Variants in ZNF578 observed in about 807,000 individuals in gnomAD.
ZNF578 encodes the protein Putative chemokine-related protein B42.
Under a neutral mutation model 8.3 loss-of-function variants are expected in ZNF578, and 8 were observed. That is an observed-to-expected ratio of 0.96 (90% CI 0.56 to 1.74). ZNF578 has a LOEUF of 1.74. ZNF578 is among the 40% of genes most tolerant of loss of function. ZNF578 has a pLI of 0.00. For synonymous variants in ZNF578, 206 were observed against 232.2 expected, an observed-to-expected ratio of 0.89 and a Z score of 1.03; for missense variants, 726 against 707.5, an observed-to-expected ratio of 1.03 and a Z score of -0.30.
intron 2 of ZNF578, among the ~76,000 whole-genome samples, chr19:52,486,337 G>T (rs1311784624): frequency 1.3e-5 from 2 of 152,122 alleles, no homozygotes; most frequent in Non-Finnish European, 2.9e-5. Flanking sequence ...AAATACTGAG[G>T]GAACTCAGAG....
chr19:52,474,915 C>T (rs1255694847), intron 2 of ZNF578: 3 of 196,756 alleles, frequency 1.5e-5, no homozygotes, highest in African/African-American at 7.2e-5. Flanking sequence ...TGTATTCACT[C>T]ACTAATACTC....
intron 2 of ZNF578, chr19:52,458,071 A>G (rs904907625): frequency 6.5e-6 from 1 of 152,816 alleles, no homozygotes; most frequent in Non-Finnish European, 1.5e-5. Context: ...AGGCACTGCC[A>G]GCTCTGTAGA....
At chr19:52,480,405 A>T (rs1349344566) in intron 2 of ZNF578, among the ~76,000 whole-genome samples, 1 of 152,220 alleles carries the variant, frequency 6.6e-6, no homozygotes, top group South Asian at 2.1e-4. Context: ...CAAATAGTCC[A>T]TAAAAGCTGT....
At chr19:52,493,277 G>A (rs775712264) in intron 3 of ZNF578, among the ~76,000 whole-genome samples, 2 of 152,118 alleles carry the variant, frequency 1.3e-5, no homozygotes, top group African/African-American at 2.4e-5. Flanking sequence ...TCCTGCAGGT[G>A]TCACCCTTGT....
At position 52,516,480 on chromosome 19, in the gene ZNF578, C is replaced by A. The variant is rs2059476478; in HGVS notation, c.*4326C>A. 6.6e-6 allele frequency among the ~76,000 whole-genome samples: 1 copy of A among 152,228 alleles called. No homozygotes were observed. Among genetic ancestry groups the A allele is most frequent in the African/African-American group, 2.4e-5 (1 of 41,456 alleles). On this transcript the variant is annotated 3_prime_UTR_variant, in exon 6 of 6. Coordinates refer to ENST00000421239, the MANE Select transcript of ZNF578 (RefSeq NM_001099694.2). The stretch of plus-strand genomic sequence containing the variant: ...GGACTGTATTTGCTCAGGGTGAGGT[C>A]TCCTTTGTGTCAGGCCTCTGAGCCC...
chr19:52,496,713 C>T (rs2059388149), intron 3 of ZNF578, among the ~76,000 whole-genome samples: 1 of 151,594 alleles, frequency 6.6e-6, no homozygotes, highest in Admixed American at 6.6e-5. Context: ...ATCTCGGTCA[C>T]TGCAACCTTC....
At chr19:52,500,224 C>A (rs7257677) in intron 3 of ZNF578, among the ~76,000 whole-genome samples, 1 of 151,772 alleles carries the variant, frequency 6.6e-6, no homozygotes, top group Non-Finnish European at 1.5e-5. Flanking sequence ...AGGTGGTCGG[C>A]GCAGAGCTTA....
At chr19:52,509,038 A>G (rs802879) in intron 5 of ZNF578, among the ~76,000 whole-genome samples, 28,251 of 151,104 alleles carry the variant, frequency 0.19, 2,889 homozygotes, top group Non-Finnish European at 0.23. Context: ...AGTAGCTGAG[A>G]TAACAGGCAC....
intron 2 of ZNF578, among the ~76,000 whole-genome samples, chr19:52,462,184 TC>T (rs565365273): frequency 1.3e-3 from 197 of 152,320 alleles, no homozygotes; most frequent in Non-Finnish European, 2.5e-3. Flanking sequence ...CTTAAATTGT[TC>T]CAGTTGGACC....
intron 2 of ZNF578, among the ~76,000 whole-genome samples, chr19:52,487,526 G>A (rs1338063270): frequency 6.6e-6 from 1 of 152,222 alleles, no homozygotes; most frequent in Non-Finnish European, 1.5e-5. Flanking sequence ...CCAGAGGGAA[G>A]TGACTTATTC....
intron 5 of ZNF578, 96 bp from the exon 6 acceptor site, chr19:52,510,476 T>C (rs1377820797): frequency 1.4e-5 from 19 of 1,385,698 alleles, no homozygotes; most frequent in Admixed American, 2.7e-5. Context: ...TTGGGAAGTT[T>C]AAAATAAGTA....
At chr19:52,501,349 T>C (rs1210195385) in intron 3 of ZNF578, among the ~76,000 whole-genome samples, 1 of 152,224 alleles carries the variant, frequency 6.6e-6, no homozygotes, top group Non-Finnish European at 1.5e-5. Flanking sequence ...ATAGAGCTTT[T>C]GTGCCGCTTT....
rs140665989 is a variant in ZNF578 at position 52,496,285 on chromosome 19, C to T, written c.-20+4860C>T. 5.2e-3 allele frequency among the ~76,000 whole-genome samples: 787 copies of T among 151,044 alleles called. 8 individuals are homozygous for T. Among genetic ancestry groups the T allele is most frequent in the African/African-American group, 0.018 (747 of 41,112 alleles). The stretch of plus-strand genomic sequence containing the variant: ...CCCTCGTCGGCCTCCCAAAGTGCTG[C>T]GATTACAGGCATGAGCCACCACGCT... On this transcript the variant is annotated intron_variant, in intron 3 of 5. Coordinates refer to ENST00000421239, the MANE Select transcript of ZNF578 (RefSeq NM_001099694.2).
intron 1 of ZNF578, chr19:52,454,592 A>G (rs2059233484): frequency 8.5e-6 from 1 of 117,196 alleles, no homozygotes; most frequent in Non-Finnish European, 1.8e-5. Flanking sequence ...GTTTTAAAGG[A>G]TATTACAAAG....
chr19:52,500,344 G>A (rs2059402257), intron 3 of ZNF578, among the ~76,000 whole-genome samples: 2 of 151,912 alleles, frequency 1.3e-5, no homozygotes, highest in Admixed American at 1.3e-4. Flanking sequence ...AAGACTTGAA[G>A]CAGGGAAGGG....
Position 52,511,722 on chromosome 19 carries a change from A to T in ZNF578, c.1341A>T (p.Arg447Ser). 1 of 1,613,592 alleles carries T rather than the reference A, an allele frequency of 6.2e-7. No homozygotes were observed. The highest frequency in any genetic ancestry group is 1.1e-5 in the South Asian group (1 of 91,070). Residue 447 changes from arginine to serine, a missense_variant, in exon 6 of 6, where the codon AGA becomes AGT. Transcript: ENST00000421239. ...AGTCAAGCCTTGCACGTCATCATAG[A>T]CTTCATACTGGAGAGAAATCTTACA... ...IHQSSLARHH[R>S]LHTGEKSYKC...
At chr19:52,491,238 A>G (rs543739012) in intron 2 of ZNF578, 86 bp from the exon 3 acceptor site, 5,298 of 161,926 alleles carry the variant, frequency 0.033, 125 homozygotes, top group Non-Finnish European at 0.048. Flanking sequence ...TAAAATAAGT[A>G]TTTTTTTGTG....
At chr19:52,465,144 C>T (rs1257510513) in intron 2 of ZNF578, among the ~76,000 whole-genome samples, 1 of 152,124 alleles carries the variant, frequency 6.6e-6, no homozygotes, top group Non-Finnish European at 1.5e-5. Context: ...CCTTGCAGAG[C>T]GGCCACTGTT....
intron 2 of ZNF578, among the ~76,000 whole-genome samples, chr19:52,486,890 T>A (rs1056310036): frequency 6.7e-6 from 1 of 148,624 alleles, no homozygotes; most frequent in Non-Finnish European, 1.5e-5. Context: ...AGAGAAGGAA[T>A]AGAGAGGGAA....
Sources: allele counts gnomAD v4.1 joint callset (sites outside exome capture counted in the v4.1 genomes callset), GRCh38; gene constraint gnomAD v4.1.1; transcripts MANE v1.5; gene names NCBI Gene and HGNC (gene_info 2026-07-23, HGNC 2026-07-21).